The following SH3GL3 variants were observed in gnomAD, a reference collection of about 807,000 sequenced individuals.
SH3GL3 encodes the protein SH3 domain containing GRB2 like 3, endophilin A3.
SH3GL3 carries 33 observed loss-of-function variants against 47.7 expected under a neutral mutation model. The ratio of observed to expected loss-of-function variants is 0.69; its 90% CI spans 0.52 to 0.92. The LOEUF (loss-of-function observed/expected upper bound fraction) is 0.92, where lower values mean the gene tolerates loss of function less well. Among genes scored for constraint, SH3GL3 ranks in the 40% least tolerant of loss-of-function variants. The pLI is 0.00. For missense variants in SH3GL3, 363 were observed against 417.8 expected, an observed-to-expected ratio of 0.87 and a Z score of 1.14; for synonymous variants, 155 against 148.8, an observed-to-expected ratio of 1.04 and a Z score of -0.30.
rs531614276 is a variant in SH3GL3, at chr15:83,497,296, C to T, written c.45+49718C>T. Reference sequence around the variant, plus strand: ...TCACGCTCTCCTTTACTGACACTTACCTTGAGGTTATCTACCGGGACATCT... The same window carrying T: ...TCACGCTCTCCTTTACTGACACTTATCTTGAGGTTATCTACCGGGACATCT... On this transcript the variant is annotated intron_variant, in intron 1 of 8. Transcript: ENST00000427482. Among the ~76,000 whole-genome samples the T allele has an allele frequency of 2.7e-4, 41 of 152,230 alleles. 1 individual carries two copies. Among genetic ancestry groups the T allele is most frequent in the Non-Finnish European group, 1.8e-4 (12 of 68,024 alleles).
chr15:83,627,136 C>T, the SH3GL3 span, among the ~76,000 whole-genome samples: 3 of 151,920 alleles, frequency 2.0e-5, no homozygotes, highest in Non-Finnish European at 4.4e-5. Flanking sequence ...GTGGCTCACA[C>T]CTTGTAATCC....
chr15:83,585,846 T>G (rs1252387359), intron 6 of SH3GL3, among the ~76,000 whole-genome samples: 1 of 152,180 alleles, frequency 6.6e-6, no homozygotes, highest in Non-Finnish European at 1.5e-5. Flanking sequence ...AGCCCGTGTT[T>G]AAAATAGTAT....
rs532585313 is a variant in SH3GL3, at chr15:83,528,565, G to A, written c.46-30688G>A. Reference sequence around the variant, plus strand: ...CATTTGTCTTTAAGTTCTGGAATTCGTATGCTTAATCTAGTCTATTGTTGA... The same window carrying A: ...CATTTGTCTTTAAGTTCTGGAATTCATATGCTTAATCTAGTCTATTGTTGA... On this transcript the variant is annotated intron_variant, in intron 1 of 8. Coordinates refer to ENST00000427482, the MANE Select transcript of SH3GL3 (RefSeq NM_003027.5). 5.9e-5 allele frequency among the ~76,000 whole-genome samples: 9 copies of A among 152,024 alleles called. No individual in the cohort carries two copies. The South Asian group carries it at 8.3e-4, about 14-fold the overall frequency.
At chr15:83,462,435 C>T (rs1283710450) in intron 1 of SH3GL3, among the ~76,000 whole-genome samples, 3 of 152,132 alleles carry the variant, frequency 2.0e-5, no homozygotes, top group African/African-American at 7.2e-5. Context: ...TGGCAATATC[C>T]CTAACAACTT....
chr15:83,534,137 C>T (rs1457014887), intron 1 of SH3GL3, among the ~76,000 whole-genome samples: 2 of 152,104 alleles, frequency 1.3e-5, no homozygotes, highest in African/African-American at 4.8e-5. Flanking sequence ...GGTCTTGCTC[C>T]CGTGAATGGA....
chr15:83,507,162 T>C (rs1434405158), intron 1 of SH3GL3, among the ~76,000 whole-genome samples: 2 of 151,688 alleles, frequency 1.3e-5, no homozygotes, highest in East Asian at 3.9e-4. Context: ...CCCACCACCA[T>C]GCCTGGCTAA....
chr15:83,511,005 G>A (rs553851402), intron 1 of SH3GL3, among the ~76,000 whole-genome samples: 109 of 152,026 alleles, frequency 7.2e-4, no homozygotes, highest in African/African-American at 2.6e-3. Context: ...GGTGGGGAGA[G>A]GGGGGCGGGA....
intron 1 of SH3GL3, among the ~76,000 whole-genome samples, chr15:83,547,508 C>A (rs965962792): frequency 1.3e-5 from 2 of 152,170 alleles, no homozygotes; most frequent in Non-Finnish European, 2.9e-5. Context: ...GTGCCTCTTT[C>A]TTGGATACAG....
chr15:83,533,388 A>G (rs760852049), intron 1 of SH3GL3, among the ~76,000 whole-genome samples: 8 of 152,186 alleles, frequency 5.3e-5, no homozygotes, highest in Non-Finnish European at 7.3e-5. Flanking sequence ...GTAAAATGGC[A>G]GAAGGGGTTC....
chr15:83,540,970 G>A (rs191380743), intron 1 of SH3GL3, among the ~76,000 whole-genome samples: 4 of 152,060 alleles, frequency 2.6e-5, no homozygotes, highest in Admixed American at 1.3e-4. Flanking sequence ...GGTGACCATC[G>A]TTCTACTCTC....
chr15:83,564,239 C>CA (rs973673455), intron 2 of SH3GL3, among the ~76,000 whole-genome samples: 24 of 151,052 alleles, frequency 1.6e-4, no homozygotes, highest in Admixed American at 2.6e-4. Flanking sequence ...CAAATTTTAA[C>CA]AAAAAAAAGA....
chr15:83,576,811 G>C lies in SH3GL3; in HGVS notation c.624+70G>C, dbSNP rs542553710. ...AACATTGAATATATGACTATGATCG[G>C]CATGTTGAAAAACTCTAAAGCAGGA... On this transcript the variant is annotated intron_variant, in intron 6 of 8. Coordinates refer to ENST00000427482, the MANE Select transcript of SH3GL3 (RefSeq NM_003027.5). 3 of 1,150,432 alleles carry C rather than the reference G, an allele frequency of 2.6e-6. No homozygotes were observed. In the East Asian group the frequency reaches 7.5e-5, roughly 29 times the overall value. 71.3% of individuals were successfully genotyped at this position (1,150,432 alleles called of 1,614,324 possible).
chr15:83,469,772 G>A (rs183531556), intron 1 of SH3GL3, among the ~76,000 whole-genome samples: 4 of 152,232 alleles, frequency 2.6e-5, no homozygotes, highest in East Asian at 1.9e-4. Flanking sequence ...ACATTAAAAC[G>A]ATGTGTATCT....
chr15:83,576,802 C>T, intron 6 of SH3GL3, 61 bp downstream of exon 6: 1 of 1,203,324 alleles, frequency 8.3e-7, no homozygotes, highest in Non-Finnish European at 1.2e-6. Context: ...GAATATATGA[C>T]TATGATCGGC....
chr15:83,516,405 A>T (rs2042981345), intron 1 of SH3GL3, among the ~76,000 whole-genome samples: 1 of 152,158 alleles, frequency 6.6e-6, no homozygotes, highest in Non-Finnish European at 1.5e-5. Flanking sequence ...TTACAACCTA[A>T]GTAGGTGTAT....
At chr15:83,484,149 A>C (rs984553101) in intron 1 of SH3GL3, among the ~76,000 whole-genome samples, 1 of 152,158 alleles carries the variant, frequency 6.6e-6, no homozygotes, top group Non-Finnish European at 1.5e-5. Context: ...TTCTTCTTAT[A>C]CTCAGAATGA....
intron 1 of SH3GL3, among the ~76,000 whole-genome samples, chr15:83,514,270 G>A (rs2042890159): frequency 6.6e-6 from 1 of 152,134 alleles, no homozygotes; most frequent in Non-Finnish European, 1.5e-5. Flanking sequence ...TTTCCCACTG[G>A]CAATTCAGCC....
intron 1 of SH3GL3, among the ~76,000 whole-genome samples, chr15:83,497,919 C>CT (rs2042144931): frequency 6.6e-6 from 1 of 152,224 alleles, no homozygotes; most frequent in Non-Finnish European, 1.5e-5. Context: ...GCTGGTTAAA[C>CT]TTTTAACTCT....
rs1452811299 is a variant in SH3GL3, at chr15:83,485,280, T to A, written c.45+37702T>A. On this transcript the variant is annotated intron_variant, in intron 1 of 8. Coordinates refer to ENST00000427482, the MANE Select transcript of SH3GL3 (RefSeq NM_003027.5). ...TGGGTTTTATTTTGGGATGAAATAG[T>A]TTTACATGGGTTGGATGTTTCTTCT... Among the ~76,000 whole-genome samples, 5 of 152,202 alleles carry A rather than the reference T, an allele frequency of 3.3e-5. No individual in the cohort carries two copies. In the East Asian group the frequency reaches 9.6e-4, roughly 29 times the overall value.
Sources: allele counts gnomAD v4.1 joint callset (sites outside exome capture counted in the v4.1 genomes callset), GRCh38; gene constraint gnomAD v4.1.1; transcripts MANE v1.5; gene names NCBI Gene and HGNC (gene_info 2026-07-23, HGNC 2026-07-21).